The following HM13 variants were observed in gnomAD, a reference collection of about 807,000 sequenced individuals.
HM13 encodes signal peptide peptidase.
In HM13, 18 loss-of-function variants were observed where a neutral mutation model predicts 50.0. The ratio of observed to expected loss-of-function variants is 0.36; its 90% CI spans 0.25 to 0.53. HM13 has a LOEUF of 0.53. Ranked by LOEUF, HM13 falls within the 20% of genes least tolerant of loss-of-function variation. The pLI, the probability that HM13 is intolerant of heterozygous loss-of-function variation, is 0.90. For synonymous variants in HM13, 197 were observed against 232.6 expected, an observed-to-expected ratio of 0.85 and a Z score of 1.39; for missense variants, 393 against 552.4, an observed-to-expected ratio of 0.71 and a Z score of 2.89.
chr20:31,568,394 G>A, intron 12 of HM13, 170 bp downstream of exon 12: 3 of 990,976 alleles, frequency 3.0e-6, no homozygotes, highest in Non-Finnish European at 4.3e-6. Context: ...CCATAGGGCT[G>A]GGAAGCAGGA....
At chr20:31,549,950 C>T in intron 6 of HM13, 114 bp from the exon 7 acceptor site, 3 of 803,620 alleles carry the variant, frequency 3.7e-6, no homozygotes, top group Non-Finnish European at 6.6e-6. Flanking sequence ...ACTGGAGCCC[C>T]TCCCAGCTCC....
chr20:31,531,431 C>G (rs942212095), intron 2 of HM13, among the ~76,000 whole-genome samples: 4 of 150,158 alleles, frequency 2.7e-5, no homozygotes, highest in African/African-American at 9.8e-5. Context: ...AGGTCTTGCT[C>G]TGTTGCCCAG....
intron 3 of HM13, among the ~76,000 whole-genome samples, chr20:31,542,017 A>G (rs911362320): frequency 1.3e-5 from 2 of 152,172 alleles, no homozygotes; most frequent in South Asian, 4.1e-4. Flanking sequence ...TGGGCTGGCC[A>G]CCTCCTGCCA....
chr20:31,548,701 G>C (rs1169425994), intron 4 of HM13: 8 of 379,666 alleles, frequency 2.1e-5, no homozygotes, highest in Non-Finnish European at 3.5e-5. Context: ...GCTCAGAGAG[G>C]GCACTGCCTT....
intron 1 of HM13, among the ~76,000 whole-genome samples, chr20:31,522,609 C>T (rs1982240500): frequency 7.5e-6 from 1 of 133,926 alleles, no homozygotes; most frequent in Non-Finnish European, 1.5e-5. Context: ...TTGTCTGGCT[C>T]CAGACTACCA....
intron 9 of HM13, 104 bp downstream of exon 9, chr20:31,559,751 C>T: frequency 9.7e-7 from 1 of 1,028,106 alleles, no homozygotes; most frequent in Non-Finnish European, 1.5e-6. Flanking sequence ...CCTCCACCCC[C>T]ACAGCAGCCA....
chr20:31,536,422 T>C (rs1983109949), intron 2 of HM13, among the ~76,000 whole-genome samples: 1 of 151,092 alleles, frequency 6.6e-6, no homozygotes, highest in East Asian at 2.0e-4. Context: ...TGCTCATCAC[T>C]TCCCCTCCAT....
chr20:31,562,155 C>T (rs986920343), intron 10 of HM13, among the ~76,000 whole-genome samples: 3 of 152,110 alleles, frequency 2.0e-5, no homozygotes, highest in South Asian at 2.1e-4. Flanking sequence ...GGTATTGGGG[C>T]GTCCCTCCCC....
Position 31,514,838 on chromosome 20 carries a change from T to G in HM13, c.183+104T>G. On this transcript the variant is annotated intron_variant, in intron 1 of 12. Transcript: ENST00000398174. This position sits in a 1 kb window ranked among gnomAD's most constrained non-coding sequence, Gnocchi z 4.3. ...GACACCTCTCCCCGGACACTGACTCTTCCCAGCCCTGATCACCACCGTTCC... is the reference window on the plus strand; with the variant it reads ...GACACCTCTCCCCGGACACTGACTCGTCCCAGCCCTGATCACCACCGTTCC... 4 of 1,098,958 alleles carry G rather than the reference T, an allele frequency of 3.6e-6. No individual in the cohort carries two copies. Among genetic ancestry groups the G allele is most frequent in the Non-Finnish European group, 3.8e-6 (3 of 797,458 alleles). 68.1% of individuals were successfully genotyped at this position (1,098,958 alleles called of 1,614,324 possible). A position where few individuals can be genotyped will look rare whatever the true frequency, so the allele number is the denominator to read the frequency against.
intron 8 of HM13, 66 bp downstream of exon 8, chr20:31,554,895 T>G (rs1407280962): frequency 2.9e-5 from 37 of 1,294,816 alleles, no homozygotes; most frequent in Non-Finnish European, 4.2e-5. Context: ...GCAAGGGGAT[T>G]ACTGCTAAAC....
At chr20:31,538,154 G>A (rs368658152) in intron 2 of HM13, 25 bp from the exon 3 acceptor site, 1 of 1,612,346 alleles carries the variant, frequency 6.2e-7, no homozygotes, top group Non-Finnish European at 8.5e-7. Context: ...CTAACTTCCT[G>A]TTTCTCTTTG....
chr20:31,567,140 T>C (rs1322186133), intron 11 of HM13, among the ~76,000 whole-genome samples: 2 of 152,168 alleles, frequency 1.3e-5, no homozygotes, highest in Admixed American at 1.3e-4. Context: ...GCCCCCCGCC[T>C]GCCTGCCCAC....
chr20:31,528,641 G>A, intron 2 of HM13, among the ~76,000 whole-genome samples: 1 of 152,200 alleles, frequency 6.6e-6, no homozygotes, highest in Non-Finnish European at 1.5e-5. Flanking sequence ...ACCACGCCCA[G>A]CTAATTTTTG....
chr20:31,536,528 C>T (rs932691867), intron 2 of HM13, among the ~76,000 whole-genome samples: 1 of 152,154 alleles, frequency 6.6e-6, no homozygotes, highest in Non-Finnish European at 1.5e-5. Context: ...TCCTCTCATG[C>T]TGTCTGATCA....
In HM13 at chr20:31,514,477, G is replaced by A. The variant is rs947391631; in HGVS notation, c.-75G>A. On this transcript the variant is annotated 5_prime_UTR_variant, in exon 1 of 13. Transcript: ENST00000398174. This position sits in a 1 kb window ranked among gnomAD's most constrained non-coding sequence, Gnocchi z 4.3. The stretch of plus-strand genomic sequence containing the variant: ...GCCTTAGGGGAACGTGGCTTTCCCT[G>A]CAGAGCCGGTGTCTCCGCCTGCGTC... 22 of 1,499,672 alleles carry A rather than the reference G, an allele frequency of 1.5e-5. No homozygotes were observed. The highest frequency in any genetic ancestry group is 1.9e-5 in the Non-Finnish European group (21 of 1,107,702). 92.9% of individuals were successfully genotyped at this position (1,499,672 alleles called of 1,614,324 possible). A position where few individuals can be genotyped will look rare whatever the true frequency, so the allele number is the denominator to read the frequency against.
chr20:31,543,325 G>T (rs547265638), intron 3 of HM13, among the ~76,000 whole-genome samples: 1 of 152,084 alleles, frequency 6.6e-6, no homozygotes, highest in Non-Finnish European at 1.5e-5. Context: ...TCGCTGTGTC[G>T]CCCAGGCTGG....
chr20:31,533,794 C>G (rs1001733902), intron 2 of HM13, among the ~76,000 whole-genome samples: 6 of 152,196 alleles, frequency 3.9e-5, no homozygotes, highest in African/African-American at 9.7e-5. Context: ...ATATGCCTCT[C>G]TCTCAAGGAC....
Position 31,526,160 on chromosome 20 carries a change from C to CT in HM13, c.184-1309dup, listed in dbSNP as rs543750641. ...CAAAAAAGAAAGTTCGTCATAAATCCTTTTTTTTTTTTTTTAGACGGAGTC... is the reference window on the plus strand; with the variant it reads ...CAAAAAAGAAAGTTCGTCATAAATCCTTTTTTTTTTTTTTTTAGACGGAGTC... On this transcript the variant is annotated intron_variant, in intron 1 of 12. Transcript: ENST00000398174. 1.7e-3 allele frequency among the ~76,000 whole-genome samples: 249 copies of CT among 142,804 alleles called. 4 individuals are homozygous for CT. The East Asian group carries it at 0.028, about 16-fold the overall frequency. 93.7% of individuals were successfully genotyped at this position (142,804 alleles called of 152,430 possible). A position where few individuals can be genotyped will look rare whatever the true frequency, so the allele number is the denominator to read the frequency against.
intron 4 of HM13, 22 bp from the exon 5 acceptor site, chr20:31,549,007 C>CT: frequency 6.2e-7 from 1 of 1,610,716 alleles, no homozygotes; most frequent in African/African-American, 1.3e-5. Context: ...AGGGAGTGGA[C>CT]TTACCTGGCC....
Sources: gnomAD v4.1 joint callset for allele counts (sites outside exome capture counted in the v4.1 genomes callset) on GRCh38, gnomAD v4.1.1 for gene constraint, Gnocchi (gnomAD v3.1) non-coding constraint, MANE v1.5 for transcripts, NCBI Gene and HGNC (gene_info 2026-07-23, HGNC 2026-07-21) for gene names.